The following MTMR3 variants were observed in gnomAD, a reference collection of about 807,000 sequenced individuals.
The protein encoded by MTMR3 is myotubularin related protein 3.
In MTMR3, 32 loss-of-function variants were observed where a neutral mutation model predicts 132.4. The observed-to-expected ratio is 0.24, with a 90% CI of 0.18 to 0.32. The LOEUF is 0.32. MTMR3 is among the 10% of genes least tolerant of loss of function. The probability of loss-of-function intolerance (pLI) is 1.00; values close to 1 mark genes in which losing one functional copy is unlikely to be tolerated. For missense variants in MTMR3, 1,216 were observed against 1,489.6 expected (o/e 0.82, Z 3.02); for synonymous variants, 556 against 550.3 (o/e 1.01, Z -0.14).
chr22:29,916,924 C>G (rs1352818309), intron 1 of MTMR3, among the ~76,000 whole-genome samples: 1 of 152,184 alleles, frequency 6.6e-6, no homozygotes, highest in East Asian at 1.9e-4. Flanking sequence ...TGATTGCCAA[C>G]ACTATCTCAC....
intron 1 of MTMR3, among the ~76,000 whole-genome samples, chr22:29,935,070 C>CTT (rs879897530): frequency 5.9e-5 from 9 of 152,050 alleles, no homozygotes; most frequent in Non-Finnish European, 8.8e-5. Context: ...GTAATGAAGA[C>CTT]GTTTTAAGAG....
At chr22:29,895,660 G>T (rs2064879044) in intron 1 of MTMR3, among the ~76,000 whole-genome samples, 1 of 152,200 alleles carries the variant, frequency 6.6e-6, no homozygotes, top group Non-Finnish European at 1.5e-5. Flanking sequence ...AGTGCTGGCT[G>T]CAGGCATTGC....
chr22:30,012,553 G>A lies in MTMR3; in HGVS notation c.1307G>A (p.Arg436Gln). ...AAGCTCTTGCTGGACCCTTATTACCGAACCATAGAGGTGAGCCCATCCAAA... is the reference window on the plus strand; with the variant it reads ...AAGCTCTTGCTGGACCCTTATTACCAAACCATAGAGGTGAGCCCATCCAAA... ...LAKLLLDPYY[R>Q]TIEGFQVLVE... The change falls in exon 13 of 20, where the codon CGA (arginine) becomes CAA (glutamine). Residue 436 changes from arginine (R) to glutamine (Q), a missense_variant. Coordinates refer to ENST00000401950, the MANE Select transcript of MTMR3 (RefSeq NM_021090.4). The A allele has an allele frequency of 4.3e-6, 7 of 1,611,048 alleles. No individual in the cohort carries two copies. The highest frequency in any genetic ancestry group is 1.7e-5 in the Admixed American group (1 of 59,414).
At chr22:29,894,725 T>G (rs556826619) in intron 1 of MTMR3, among the ~76,000 whole-genome samples, 1 of 152,346 alleles carries the variant, frequency 6.6e-6, no homozygotes, top group Non-Finnish European at 1.5e-5. Flanking sequence ...TATAGCCATC[T>G]GGTGATATTT....
At position 30,020,824 on chromosome 22, in the gene MTMR3, C is replaced by T. The variant is rs1172900694; in HGVS notation, c.3165C>T (p.Arg1055=). ...AACAAGTCCAGGAGCTGAAGAGTCG[C>T]CTGGAGAGCCAGTACCTGACCAGCT... The part of the protein sequence containing the change: ...LKKQVQELKS[R]LESQYLTSSL... Residue 1055 remains arginine (R), a synonymous_variant, in exon 17 of 20, where the codon CGC becomes CGT. Transcript: ENST00000401950. 1.9e-6 allele frequency: 3 copies of T among 1,610,730 alleles called. No individual in the cohort carries two copies. The highest frequency in any genetic ancestry group is 2.7e-5 in the African/African-American group (2 of 74,766).
Position 29,991,668 on chromosome 22 carries a change from C to G in MTMR3, c.458C>G (p.Pro153Arg). Residue 153 changes from proline to arginine, a missense_variant and splice_region_variant, in exon 7 of 20, where the codon CCA becomes CGA. Pro to Arg is a moderately radical substitution (Grantham distance 103, BLOSUM62 -2). Coordinates refer to ENST00000401950, the MANE Select transcript of MTMR3 (RefSeq NM_021090.4). ...GAGCAACATGGAGACCTGTGCAGACCAGGTACGCCTTTCTGAAATGTGCAA... is the reference window on the plus strand; with the variant it reads ...GAGCAACATGGAGACCTGTGCAGACGAGGTACGCCTTTCTGAAATGTGCAA... ...EKEQHGDLCR[P>R]GEHVTSRFKN... 1 of 1,591,112 alleles carries G rather than the reference C, an allele frequency of 6.3e-7. No individual in the cohort carries two copies. The highest frequency in any genetic ancestry group is 8.6e-7 in the Non-Finnish European group (1 of 1,169,202).
intron 16 of MTMR3, 130 bp downstream of exon 16, chr22:30,018,202 T>A (rs1379944037): frequency 4.7e-6 from 5 of 1,062,428 alleles, no homozygotes. Flanking sequence ...TCTCTGCAGT[T>A]TTTTCAGGGA....
intron 1 of MTMR3, among the ~76,000 whole-genome samples, chr22:29,914,830 C>G (rs1214997383): frequency 6.6e-6 from 1 of 152,136 alleles, no homozygotes; most frequent in East Asian, 1.9e-4. Context: ...CTGAGCAGTG[C>G]TTCAGTTGCA....
chr22:29,906,310 ATCTATCTATCTATCTATCTATCTG>A (rs1383901286), intron 1 of MTMR3, among the ~76,000 whole-genome samples: 76 of 111,282 alleles, frequency 6.8e-4, no homozygotes, highest in African/African-American at 2.1e-3. Flanking sequence ...CTATCTATCT[ATCTATCTATCTATCTATCTATCTG>A]TCTATCTATC....
intron 1 of MTMR3, among the ~76,000 whole-genome samples, chr22:29,930,721 C>T (rs1023168122): frequency 1.3e-5 from 2 of 150,618 alleles, no homozygotes; most frequent in Non-Finnish European, 3.0e-5. Flanking sequence ...GAATTTTTGA[C>T]TGGGTACAGT....
chr22:29,900,721 A>G (rs1475723881), intron 1 of MTMR3, among the ~76,000 whole-genome samples: 1 of 152,140 alleles, frequency 6.6e-6, no homozygotes, highest in African/African-American at 2.4e-5. Flanking sequence ...TGCTTTAAAA[A>G]AAATTTTTTT....
intron 1 of MTMR3, among the ~76,000 whole-genome samples, chr22:29,928,007 C>G (rs1451804420): frequency 7.7e-6 from 1 of 129,804 alleles, no homozygotes; most frequent in African/African-American, 2.9e-5. Flanking sequence ...GTGGCATGAT[C>G]TCAGGTCACT....
At chr22:29,989,739 A>G (rs1005012913) in intron 6 of MTMR3, 6 of 152,108 alleles carry the variant, frequency 3.9e-5, no homozygotes, top group Admixed American at 1.3e-4. Flanking sequence ...CAGTGTCCAC[A>G]TGTCCTTCAT....
chr22:29,950,320 T>A (rs1354605132), intron 1 of MTMR3, among the ~76,000 whole-genome samples: 1 of 152,154 alleles, frequency 6.6e-6, no homozygotes, highest in Non-Finnish European at 1.5e-5. Context: ...TATAAGGGTT[T>A]TTTCCTTAGG....
chr22:29,927,944 T>G (rs954543830), intron 1 of MTMR3, among the ~76,000 whole-genome samples: 7 of 132,714 alleles, frequency 5.3e-5, no homozygotes, highest in Non-Finnish European at 1.2e-4. Flanking sequence ...CCTTTGTTTT[T>G]TTTTTTTTTT....
chr22:29,981,494 T>G (rs2066742287), intron 5 of MTMR3: 1 of 152,202 alleles, frequency 6.6e-6, no homozygotes, highest in East Asian at 1.9e-4. Context: ...TTTTTTTCTG[T>G]TAGCATCATA....
chr22:29,918,054 GT>G (rs1209521551), intron 1 of MTMR3, among the ~76,000 whole-genome samples: 2 of 152,170 alleles, frequency 1.3e-5, no homozygotes, highest in African/African-American at 4.8e-5. Context: ...AATGCAGTGA[GT>G]TTAAGTGTTT....
At chr22:29,891,040 AGAT>A (rs1354483497) in intron 1 of MTMR3, among the ~76,000 whole-genome samples, 1 of 151,996 alleles carries the variant, frequency 6.6e-6, no homozygotes, top group African/African-American at 2.4e-5. Context: ...AAAAAAAAAA[AGAT>A]GAGATGGGAA....
At chr22:29,944,431 G>A (rs896349407) in intron 1 of MTMR3, among the ~76,000 whole-genome samples, 3 of 151,998 alleles carry the variant, frequency 2.0e-5, no homozygotes, top group African/African-American at 7.2e-5. Flanking sequence ...ATAAAGTCAT[G>A]TTTTTGATAA....
Sources: gnomAD v4.1 joint callset for allele counts (sites outside exome capture counted in the v4.1 genomes callset) on GRCh38, gnomAD v4.1.1 for gene constraint, MANE v1.5 for transcripts, NCBI Gene and HGNC (gene_info 2026-07-23, HGNC 2026-07-21) for gene names.